NRIP1: variants seen among roughly 807,000 people sequenced by gnomAD.
NRIP1 encodes the protein nuclear receptor interacting protein 1.
A neutral mutation model predicts 75.0 loss-of-function variants in NRIP1; 28 were observed. The ratio of observed to expected loss-of-function variants is 0.37; its 90% CI spans 0.28 to 0.51. The LOEUF (loss-of-function observed/expected upper bound fraction) is 0.51, where lower values mean the gene tolerates loss of function less well. NRIP1 is among the 20% of genes least tolerant of loss of function. The pLI is 0.92. For missense variants in NRIP1, 1,435 were observed against 1,343.7 expected, an observed-to-expected ratio of 1.07 and a Z score of -1.06; for synonymous variants, 526 against 487.6, an observed-to-expected ratio of 1.08 and a Z score of -1.04.
intron 3 of NRIP1, among the ~76,000 whole-genome samples, chr21:15,012,733 G>C (rs1013138066): frequency 1.3e-5 from 2 of 152,024 alleles, no homozygotes; most frequent in Middle Eastern, 3.2e-3. Context: ...TTACAGGTGT[G>C]AGACACCATG....
At chr21:15,005,304 C>T (rs765330948) in intron 3 of NRIP1, among the ~76,000 whole-genome samples, 2 of 152,092 alleles carry the variant, frequency 1.3e-5, no homozygotes, top group African/African-American at 2.4e-5. Context: ...AAGAGATGAC[C>T]TTGTCATCAC....
intron 3 of NRIP1, among the ~76,000 whole-genome samples, chr21:14,995,774 T>C (rs1475752565): frequency 6.6e-6 from 1 of 152,066 alleles, no homozygotes; most frequent in Non-Finnish European, 1.5e-5. Context: ...TGCGTGTGTG[T>C]GTGTGTGTGT....
At chr21:15,005,382 G>C (rs766723568) in intron 3 of NRIP1, among the ~76,000 whole-genome samples, 3 of 152,112 alleles carry the variant, frequency 2.0e-5, no homozygotes, top group Non-Finnish European at 4.4e-5. Context: ...AAGAAAAAGG[G>C]GGGTAAAAAA....
chr21:14,984,940 T>A (rs986578146), intron 3 of NRIP1, among the ~76,000 whole-genome samples: 6 of 152,232 alleles, frequency 3.9e-5, no homozygotes, highest in Non-Finnish European at 8.8e-5. Context: ...CATAATGCTA[T>A]GGCACACTTA....
intron 3 of NRIP1, among the ~76,000 whole-genome samples, chr21:14,982,674 A>C (rs796140898): frequency 8.2e-5 from 12 of 146,630 alleles, no homozygotes; most frequent in African/African-American, 3.0e-4. Context: ...GCTTTGCTTC[A>C]TTGTACTTTG....
At chr21:14,968,685 T>C (rs1427998479) in intron 3 of NRIP1, among the ~76,000 whole-genome samples, 159 bp from the exon 4 acceptor site, 1 of 152,340 alleles carries the variant, frequency 6.6e-6, no homozygotes, top group African/African-American at 2.4e-5. Context: ...ATTTGTTTTA[T>C]TGCCGTTCCT....
At chr21:15,050,544 A>G (rs996955167) in intron 1 of NRIP1, 14 of 349,152 alleles carry the variant, frequency 4.0e-5, no homozygotes, top group Admixed American at 3.5e-4. Flanking sequence ...CCAGAACTGA[A>G]AATGAACTAT....
chr21:15,055,887 G>C (rs909512367), intron 1 of NRIP1, among the ~76,000 whole-genome samples: 2 of 151,746 alleles, frequency 1.3e-5, no homozygotes, highest in Non-Finnish European at 2.9e-5. Flanking sequence ...AAAACTACAG[G>C]AAGATAAGTA....
chr21:14,987,382 T>C (rs1228528676), intron 3 of NRIP1, among the ~76,000 whole-genome samples: 1 of 152,180 alleles, frequency 6.6e-6, no homozygotes, highest in Admixed American at 6.5e-5. Context: ...AGTTTTAGTC[T>C]GACTATTGGT....
At chr21:15,037,629 G>A (rs2088864914) in intron 2 of NRIP1, among the ~76,000 whole-genome samples, 1 of 151,902 alleles carries the variant, frequency 6.6e-6, no homozygotes, top group Non-Finnish European at 1.5e-5. Flanking sequence ...ATCACAGGAT[G>A]GATGGCCTTT....
chr21:15,060,981 A>C (rs528775723), intron 1 of NRIP1, among the ~76,000 whole-genome samples: 1 of 152,226 alleles, frequency 6.6e-6, no homozygotes, highest in African/African-American at 2.4e-5. Context: ...GTGGTGTTAC[A>C]TTTCTCTAAT....
intron 3 of NRIP1, among the ~76,000 whole-genome samples, chr21:15,007,462 C>T (rs2087999088): frequency 6.6e-6 from 1 of 152,134 alleles, no homozygotes; most frequent in Admixed American, 6.5e-5. Flanking sequence ...TACTATATCT[C>T]AAGCCTAGGT....
chr21:14,971,639 T>TTTCACATTTTCAC (rs1413701335), intron 3 of NRIP1: 2 of 152,192 alleles, frequency 1.3e-5, no homozygotes, highest in African/African-American at 4.8e-5. Context: ...TGCTACTTCT[T>TTTCACATTTTCAC]TTCACATTTT....
In NRIP1 at chr21:14,965,647, G is replaced by C; in HGVS notation, c.2546C>G (p.Ser849Ter). Residue 849 changes from serine (S) to a stop codon, truncating the protein, a stop_gained, in exon 4 of 4, where the codon TCA becomes TGA. Coordinates refer to ENST00000318948, the MANE Select transcript of NRIP1 (RefSeq NM_003489.4). LOFTEE classifies it high-confidence loss of function. ...HRNNEMALLE[S>*]KNLCMVPKKR... ...CTTAGGGACCATGCAAAGATTCTTTGATTCTAGAAGTGCCATTTCATTATT... is the reference window on the plus strand; with the variant it reads ...CTTAGGGACCATGCAAAGATTCTTTCATTCTAGAAGTGCCATTTCATTATT... 1 of 1,613,048 alleles carries C rather than the reference G, an allele frequency of 6.2e-7. No individual in the cohort carries two copies. Among genetic ancestry groups the C allele is most frequent in the Non-Finnish European group, 8.5e-7 (1 of 1,179,874 alleles).
chr21:15,009,271 T>C (rs1259780429), intron 3 of NRIP1, among the ~76,000 whole-genome samples: 1 of 147,460 alleles, frequency 6.8e-6, no homozygotes, highest in African/African-American at 2.5e-5. Context: ...CTAGAGTCGT[T>C]ATTATTCTGA....
At chr21:14,992,246 G>A (rs2087593689) in intron 3 of NRIP1, 1 of 152,026 alleles carries the variant, frequency 6.6e-6, no homozygotes, top group African/African-American at 2.4e-5. Flanking sequence ...ACGGGGTTTC[G>A]AAATGTTGCC....
At chr21:15,051,311 T>C (rs2089198316) in intron 1 of NRIP1, 1 of 152,384 alleles carries the variant, frequency 6.6e-6, no homozygotes, top group African/African-American at 2.5e-5. Context: ...TTTCATTTTA[T>C]TTTCCCTTGT....
intron 2 of NRIP1, among the ~76,000 whole-genome samples, chr21:15,024,376 C>T (rs1048769754): frequency 6.6e-6 from 1 of 152,134 alleles, no homozygotes; most frequent in African/African-American, 2.4e-5. Flanking sequence ...AACCCCGTCT[C>T]TACTAAAATA....
At chr21:15,018,588 A>G (rs766523477) in intron 2 of NRIP1, among the ~76,000 whole-genome samples, 4 of 152,202 alleles carry the variant, frequency 2.6e-5, no homozygotes, top group Non-Finnish European at 4.4e-5. Context: ...AGAGATGACC[A>G]AAGTAGGTAG....
Sources: allele counts gnomAD v4.1 joint callset (sites outside exome capture counted in the v4.1 genomes callset), GRCh38; gene constraint gnomAD v4.1.1; transcripts MANE v1.5; gene names NCBI Gene and HGNC (gene_info 2026-07-23, HGNC 2026-07-21).